Variants in IQCM observed in about 807,000 individuals in gnomAD.
IQCM encodes IQ motif containing M.
In IQCM, 45 loss-of-function variants were observed where a neutral mutation model predicts 57.6. That is an observed-to-expected ratio of 0.78 (90% confidence interval 0.62 to 1.00). The LOEUF (loss-of-function observed/expected upper bound fraction) is 1.00, where lower values mean the gene tolerates loss of function less well. Ranked by LOEUF, IQCM falls within the 50% of genes least tolerant of loss-of-function variation. The pLI, the probability that IQCM is intolerant of heterozygous loss-of-function variation, is 0.00. For synonymous variants in IQCM, 148 were observed against 158.9 expected (o/e 0.93, Z 0.51); for missense variants, 468 against 511.6 (o/e 0.91, Z 0.82).
intron 13 of IQCM, among the ~76,000 whole-genome samples, chr4:149,389,394 A>G (rs1459068194): frequency 6.6e-6 from 1 of 152,012 alleles, no homozygotes; most frequent in Non-Finnish European, 1.5e-5. Flanking sequence ...TGCTGCTATA[A>G]AGACACATGC....
In IQCM at chr4:149,633,809, C is replaced by T. The variant is rs566687788; in HGVS notation, c.566-12565G>A. 1.1e-4 allele frequency among the ~76,000 whole-genome samples: 17 copies of T among 152,224 alleles called. No individual in the cohort carries two copies. In the South Asian group the frequency reaches 1.7e-3, roughly 15 times the overall value. On this transcript the variant is annotated intron_variant, in intron 7 of 13. Transcript: ENST00000636793. ...TGCCACAGTCCCCCAATAACCCATC[C>T]TCACTGATCTCCACCTTCCAAAAGT...
rs1491411750 is a variant in IQCM at position 149,368,830 on chromosome 4, A to ACG, written c.1391-16765_1391-16764insCG. 1.7e-3 allele frequency among the ~76,000 whole-genome samples: 119 copies of ACG among 68,304 alleles called. 29 individuals are homozygous for ACG. The highest frequency in any genetic ancestry group is 6.0e-3 in the African/African-American group (111 of 18,468). The allele number at this position is 68,304 out of a possible 152,430, so 44.8% of individuals were successfully genotyped here. A position where few individuals can be genotyped will look rare whatever the true frequency, so the allele number is the denominator to read the frequency against. On this transcript the variant is annotated intron_variant, in intron 13 of 13. Transcript: ENST00000636793. Reference sequence around the variant, plus strand: ...CATGTATATATATACATATATATACATGTATATATATACATATATATACAT... The same window carrying ACG: ...CATGTATATATATACATATATATACACGTGTATATATATACATATATATACAT...
intron 10 of IQCM, among the ~76,000 whole-genome samples, chr4:149,563,145 G>C (rs930118050): frequency 6.6e-6 from 1 of 152,132 alleles, no homozygotes; most frequent in African/African-American, 2.4e-5. Flanking sequence ...GTAGATATTT[G>C]TATATGTGTG....
chr4:149,500,210 T>C (rs1320535829), intron 12 of IQCM, among the ~76,000 whole-genome samples: 2 of 152,216 alleles, frequency 1.3e-5, no homozygotes, highest in African/African-American at 2.4e-5. Flanking sequence ...TCTGAACTTA[T>C]CAATAGTGGG....
chr4:149,751,787 A>T (rs185359149), intron 2 of IQCM, among the ~76,000 whole-genome samples: 15 of 152,242 alleles, frequency 9.9e-5, no homozygotes, highest in Non-Finnish European at 2.9e-5. Context: ...TGTAAAACCA[A>T]GAGAGAGAAT....
chr4:149,703,211 T>C (rs766579761), intron 5 of IQCM, among the ~76,000 whole-genome samples: 18 of 151,976 alleles, frequency 1.2e-4, no homozygotes, highest in Non-Finnish European at 1.9e-4. Flanking sequence ...ACAACTTCTT[T>C]AGTACAAGAA....
intron 2 of IQCM, among the ~76,000 whole-genome samples, chr4:149,751,846 T>C (rs1289954302): frequency 6.6e-6 from 1 of 151,912 alleles, no homozygotes; most frequent in Non-Finnish European, 1.5e-5. Flanking sequence ...AGGGTGGGAA[T>C]AGCATAGAAA....
intron 12 of IQCM, among the ~76,000 whole-genome samples, chr4:149,451,771 A>G (rs905533884): frequency 5.1e-4 from 78 of 151,906 alleles, no homozygotes; most frequent in African/African-American, 1.7e-3. Context: ...ATAAAAAACA[A>G]TAGCCAACAT....
intron 13 of IQCM, among the ~76,000 whole-genome samples, chr4:149,357,814 G>C (rs917646875): frequency 6.6e-6 from 1 of 152,178 alleles, no homozygotes; most frequent in African/African-American, 2.4e-5. Flanking sequence ...AGTTTCAGAA[G>C]GAATGGTACC....
rs1253742750 is a variant in IQCM at position 149,730,178 on chromosome 4, T to C, written c.385+3066A>G. Among the ~76,000 whole-genome samples, 3 of 152,184 alleles carry C rather than the reference T, an allele frequency of 2.0e-5. No individual in the cohort carries two copies. The East Asian group carries it at 5.8e-4, about 29-fold the overall frequency. On this transcript the variant is annotated intron_variant, in intron 5 of 13. Transcript: ENST00000636793. ...CACTTAGTGTAAACCACTAACCCACTACCACAGCTCTTCCCTGTGTCTTAT... is the reference window on the plus strand; with the variant it reads ...CACTTAGTGTAAACCACTAACCCACCACCACAGCTCTTCCCTGTGTCTTAT...
chr4:149,697,942 ATAGCAT>A, intron 5 of IQCM, among the ~76,000 whole-genome samples: 1 of 152,234 alleles, frequency 6.6e-6, no homozygotes, highest in African/African-American at 2.4e-5. Flanking sequence ...TAACTCACAT[ATAGCAT>A]TATAAATCAG....
intron 5 of IQCM, among the ~76,000 whole-genome samples, chr4:149,704,079 AC>A (rs571059194): frequency 1.3e-3 from 205 of 152,014 alleles, no homozygotes; most frequent in African/African-American, 4.6e-3. Context: ...AAAAATTTTC[AC>A]CAGCTACCCC....
intron 13 of IQCM, among the ~76,000 whole-genome samples, chr4:149,421,774 A>G (rs1189584168): frequency 2.6e-5 from 4 of 152,070 alleles, no homozygotes; most frequent in African/African-American, 9.7e-5. Flanking sequence ...AGGAAAAAAG[A>G]CAAGTATGGT....
At chr4:149,664,912 G>A (rs149482087) in intron 7 of IQCM, among the ~76,000 whole-genome samples, 8 of 152,238 alleles carry the variant, frequency 5.3e-5, no homozygotes, top group Non-Finnish European at 1.0e-4. Context: ...GTGCACAGGC[G>A]CAGCAGGTCA....
chr4:149,460,190 C>T (rs1368040628), intron 12 of IQCM, among the ~76,000 whole-genome samples: 2 of 152,056 alleles, frequency 1.3e-5, no homozygotes, highest in African/African-American at 2.4e-5. Context: ...AGCATCTTTT[C>T]GTGTGCTTAT....
At chr4:149,384,059 T>A (rs1300612800) in intron 13 of IQCM, among the ~76,000 whole-genome samples, 1 of 152,200 alleles carries the variant, frequency 6.6e-6, no homozygotes, top group Non-Finnish European at 1.5e-5. Context: ...AAAAAGTATA[T>A]CTTCTCATGA....
At chr4:149,708,871 C>T (rs1225879351) in intron 5 of IQCM, among the ~76,000 whole-genome samples, 1 of 152,006 alleles carries the variant, frequency 6.6e-6, no homozygotes, top group African/African-American at 2.4e-5. Flanking sequence ...TGTTTATCTA[C>T]ATAAACTTGC....
intron 5 of IQCM, among the ~76,000 whole-genome samples, chr4:149,694,414 C>T (rs1035464999): frequency 2.6e-5 from 4 of 151,360 alleles, no homozygotes; most frequent in Non-Finnish European, 4.4e-5. Flanking sequence ...TTAGTAGAGA[C>T]GGGGTATTAA....
chr4:149,792,503 G>A (rs538862208), intron 2 of IQCM, among the ~76,000 whole-genome samples: 3 of 152,210 alleles, frequency 2.0e-5, no homozygotes, highest in Non-Finnish European at 4.4e-5. Flanking sequence ...AAAGTTATAT[G>A]TTTACACCAA....
Sources: allele counts gnomAD v4.1 joint callset (sites outside exome capture counted in the v4.1 genomes callset), GRCh38; gene constraint gnomAD v4.1.1; transcripts MANE v1.5; gene names NCBI Gene and HGNC (gene_info 2026-07-23, HGNC 2026-07-21).